AKAP12: variants seen among roughly 807,000 people sequenced by gnomAD.
AKAP12 encodes the protein A-kinase anchoring protein 12.
AKAP12 carries 32 observed loss-of-function variants against 79.9 expected under a neutral mutation model. The ratio of observed to expected loss-of-function variants is 0.40; its 90% CI spans 0.30 to 0.54. The LOEUF (loss-of-function observed/expected upper bound fraction) is 0.54. Ranked by LOEUF, AKAP12 falls within the 20% of genes least tolerant of loss-of-function variation. The pLI, the probability that AKAP12 is intolerant of heterozygous loss-of-function variation, is 0.48. For synonymous variants in AKAP12, 808 were observed against 857.0 expected, an observed-to-expected ratio of 0.94 and a Z score of 1.00; for missense variants, 2,074 against 2,177.0, an observed-to-expected ratio of 0.95 and a Z score of 0.94.
chr6:151,272,361 A>C (rs1024070159), intron 2 of AKAP12, among the ~76,000 whole-genome samples: 3 of 136,164 alleles, frequency 2.2e-5, no homozygotes, highest in African/African-American at 3.4e-5. Flanking sequence ...AAAAAAAAAC[A>C]AAAAAAACAG....
chr6:151,334,920 G>T (rs1008914691), intron 3 of AKAP12, among the ~76,000 whole-genome samples: 1 of 152,122 alleles, frequency 6.6e-6, no homozygotes, highest in African/African-American at 2.4e-5. Flanking sequence ...GCCGCGCCCG[G>T]CCTTCAACAT....
chr6:151,293,165 A>G (rs1479944306), intron 2 of AKAP12, among the ~76,000 whole-genome samples: 1 of 152,232 alleles, frequency 6.6e-6, no homozygotes, highest in Non-Finnish European at 1.5e-5. Flanking sequence ...ATTTCTAAGC[A>G]AGGATGTGAT....
intron 3 of AKAP12, among the ~76,000 whole-genome samples, chr6:151,336,400 TC>T (rs1336918777): frequency 2.6e-5 from 4 of 152,178 alleles, no homozygotes; most frequent in Non-Finnish European, 5.9e-5. Context: ...GTATAAATAT[TC>T]CCTTTTCTCC....
intron 2 of AKAP12, among the ~76,000 whole-genome samples, chr6:151,245,733 A>G (rs1198043368): frequency 6.6e-6 from 1 of 152,132 alleles, no homozygotes; most frequent in African/African-American, 2.4e-5. Flanking sequence ...TTGCATAGCA[A>G]TATTCATTTA....
chr6:151,342,439 T>C (rs1485024758), intron 3 of AKAP12, among the ~76,000 whole-genome samples: 2 of 152,008 alleles, frequency 1.3e-5, no homozygotes, highest in Non-Finnish European at 2.9e-5. Context: ...CCATTAGGAG[T>C]CCACAGCCTG....
In AKAP12 at chr6:151,243,264, A is replaced by C. The variant is rs189560616; in HGVS notation, c.162+2540A>C. ...TGTCTGTGGACGGTTGGGGAGGTTT[A>C]GGCTAATACATCATTTTTCCCTCCT... is the stretch of plus-strand genomic sequence containing the variant. On this transcript the variant is annotated intron_variant, in intron 2 of 4. Coordinates refer to ENST00000402676, the MANE Select transcript of AKAP12 (RefSeq NM_005100.4). 5.4e-4 allele frequency among the ~76,000 whole-genome samples: 82 copies of C among 152,348 alleles called. No individual in the cohort carries two copies. The East Asian group carries it at 0.013, about 23-fold the overall frequency.
intron 2 of AKAP12, among the ~76,000 whole-genome samples, chr6:151,266,242 C>G (rs892728068): frequency 1.3e-5 from 2 of 152,248 alleles, no homozygotes; most frequent in Non-Finnish European, 2.9e-5. Flanking sequence ...ATAGCTGATG[C>G]TGGATCACAT....
rs76095362 is a variant in AKAP12 at position 151,333,431 on chromosome 6, C to T, written c.320-15280C>T. ...TAAGCTACAGTCTTTAACTCATTCACAACCAGCATGCAGGGAGCATGTAAA... is the reference window on the plus strand; with the variant it reads ...TAAGCTACAGTCTTTAACTCATTCATAACCAGCATGCAGGGAGCATGTAAA... On this transcript the variant is annotated intron_variant, in intron 3 of 4. Coordinates refer to ENST00000402676, the MANE Select transcript of AKAP12 (RefSeq NM_005100.4). 5.3e-5 allele frequency among the ~76,000 whole-genome samples: 8 copies of T among 152,296 alleles called. No homozygotes were observed. The East Asian group carries it at 1.4e-3, about 26-fold the overall frequency.
chr6:151,346,549 A>G (rs1008058213), intron 3 of AKAP12, among the ~76,000 whole-genome samples: 1 of 152,202 alleles, frequency 6.6e-6, no homozygotes. Flanking sequence ...TTGGTCAGGA[A>G]TGCCACGTAG....
chr6:151,334,094 T>A (rs2086789), intron 3 of AKAP12, among the ~76,000 whole-genome samples: 12,284 of 150,810 alleles, frequency 0.081, 583 homozygotes, highest in East Asian at 0.15. Flanking sequence ...ACATAGCCAG[T>A]TCCTCCATCT....
chr6:151,333,341 G>A (rs1777726574), intron 3 of AKAP12, among the ~76,000 whole-genome samples: 1 of 152,126 alleles, frequency 6.6e-6, no homozygotes, highest in Non-Finnish European at 1.5e-5. Context: ...AGCCTCTCCT[G>A]CCTGCCGCCC....
At chr6:151,348,029 A>T (rs1188931612) in intron 3 of AKAP12, among the ~76,000 whole-genome samples, 9 of 151,856 alleles carry the variant, frequency 5.9e-5, no homozygotes, top group Non-Finnish European at 1.3e-4. Context: ...AAAAAAAAAA[A>T]ATTAGCCTCC....
chr6:151,340,280 A>C (rs1235149333), intron 3 of AKAP12, among the ~76,000 whole-genome samples: 1 of 146,432 alleles, frequency 6.8e-6, no homozygotes, highest in African/African-American at 2.5e-5. Flanking sequence ...TGTTGTCTGG[A>C]TATACCATAC....
At chr6:151,240,978 G>C (rs7773781) in intron 2 of AKAP12, among the ~76,000 whole-genome samples, 122,981 of 152,064 alleles carry the variant, frequency 0.81, 50,182 homozygotes, top group East Asian at 0.99. Context: ...ACTGCGCCAT[G>C]CGCAATAATA....
intron 2 of AKAP12, among the ~76,000 whole-genome samples, chr6:151,246,464 T>C (rs1324773486): frequency 6.6e-6 from 1 of 152,142 alleles, no homozygotes; most frequent in East Asian, 1.9e-4. Flanking sequence ...CCTTCCTAAA[T>C]TGACTTTCCA....
intron 1 of AKAP12, among the ~76,000 whole-genome samples, 152 bp downstream of exon 1, chr6:151,240,211 T>C (rs1417475121): frequency 6.6e-6 from 1 of 151,310 alleles, no homozygotes; most frequent in Non-Finnish European, 1.5e-5. Flanking sequence ...GGTGGGCGGC[T>C]GCCTGGACCT....
intron 2 of AKAP12, among the ~76,000 whole-genome samples, chr6:151,277,944 ATG>A (rs10524824): frequency 0.64 from 94,990 of 148,268 alleles, 31,747 homozygotes; most frequent in East Asian, 0.79. Flanking sequence ...TAATAGGTTT[ATG>A]TGTGTGTGTG....
intron 2 of AKAP12, among the ~76,000 whole-genome samples, chr6:151,289,385 T>C (rs567195577): frequency 4.6e-5 from 7 of 152,304 alleles, no homozygotes; most frequent in Admixed American, 2.0e-4. Context: ...CATTGGGTTA[T>C]GTAGTAGTGA....
chr6:151,249,065 A>G (rs1325749260), intron 2 of AKAP12, among the ~76,000 whole-genome samples: 1 of 152,112 alleles, frequency 6.6e-6, no homozygotes, highest in East Asian at 1.9e-4. Context: ...GTTCAGTGAA[A>G]TGCCCGTATC....
Sources: allele counts gnomAD v4.1 joint callset (sites outside exome capture counted in the v4.1 genomes callset), GRCh38; gene constraint gnomAD v4.1.1; transcripts MANE v1.5; gene names NCBI Gene and HGNC (gene_info 2026-07-23, HGNC 2026-07-21).